CTNNA2: variants seen among roughly 807,000 people sequenced by gnomAD.
CTNNA2 encodes the protein catenin alpha-2.
CTNNA2 carries 42 observed loss-of-function variants against 101.0 expected under a neutral mutation model. The observed-to-expected ratio is 0.42, with a 90% confidence interval of 0.32 to 0.54. CTNNA2 has a LOEUF of 0.54. Among genes scored for constraint, CTNNA2 ranks in the 20% least tolerant of loss-of-function variants. The pLI is 0.14. For synonymous variants in CTNNA2, 450 were observed against 456.4 expected (o/e 0.99, Z 0.18); for missense variants, 871 against 1,223.1 (o/e 0.71, Z 4.29).
At chr2:80,440,195 C>G (rs1197521734) in intron 9 of CTNNA2, among the ~76,000 whole-genome samples, 1 of 152,158 alleles carries the variant, frequency 6.6e-6, no homozygotes, top group Non-Finnish European at 1.5e-5. Context: ...TGCTCACTGT[C>G]TCTCTGCCAC....
intron 3 of CTNNA2, among the ~76,000 whole-genome samples, chr2:79,320,515 G>A (rs1383306233): frequency 6.6e-6 from 1 of 152,050 alleles, no homozygotes; most frequent in African/African-American, 2.4e-5. Flanking sequence ...ATTCTAGTTT[G>A]CCATAACGTA....
chr2:79,196,635 T>C (rs1366810119), intron 1 of CTNNA2, among the ~76,000 whole-genome samples: 2 of 152,208 alleles, frequency 1.3e-5, no homozygotes, highest in Non-Finnish European at 2.9e-5. Flanking sequence ...TCTGGTTCCG[T>C]CCATGAATAA....
intron 7 of CTNNA2, among the ~76,000 whole-genome samples, chr2:79,986,318 A>G (rs1270739776): frequency 6.6e-6 from 1 of 152,112 alleles, no homozygotes; most frequent in Non-Finnish European, 1.5e-5. Context: ...CTTTGAGGAT[A>G]TTCCTCTTTA....
intron 2 of CTNNA2, among the ~76,000 whole-genome samples, chr2:79,244,088 C>T (rs1314278366): frequency 3.3e-5 from 5 of 152,140 alleles, no homozygotes; most frequent in Non-Finnish European, 5.9e-5. Context: ...CCCTGCCCTT[C>T]CTTATGTTGG....
chr2:80,215,004 A>C (rs1442210749), intron 7 of CTNNA2, among the ~76,000 whole-genome samples: 1 of 152,066 alleles, frequency 6.6e-6, no homozygotes, highest in African/African-American at 2.4e-5. Context: ...CATTTCATTC[A>C]TTTAACCTTC....
chr2:80,510,032 G>A (rs1408545581), intron 9 of CTNNA2, among the ~76,000 whole-genome samples: 1 of 152,120 alleles, frequency 6.6e-6, no homozygotes, highest in Non-Finnish European at 1.5e-5. Flanking sequence ...CCTCTATAGG[G>A]CAATGCCTAT....
chr2:79,374,832 T>C (rs1212895055), intron 4 of CTNNA2, among the ~76,000 whole-genome samples: 1 of 152,080 alleles, frequency 6.6e-6, no homozygotes, highest in Non-Finnish European at 1.5e-5. Flanking sequence ...TGCAAATGGG[T>C]GACTTGACTG....
intron 8 of CTNNA2, among the ~76,000 whole-genome samples, chr2:80,416,194 G>A (rs1680029366): frequency 6.6e-6 from 1 of 151,606 alleles, no homozygotes; most frequent in Non-Finnish European, 1.5e-5. Context: ...TAAGAGAGTA[G>A]ATCTTAAGTG....
intron 9 of CTNNA2, among the ~76,000 whole-genome samples, chr2:80,465,178 A>G (rs1684750608): frequency 6.6e-6 from 1 of 152,160 alleles, no homozygotes; most frequent in South Asian, 2.1e-4. Flanking sequence ...CTCTATAAGT[A>G]CTGGTGAATT....
chr2:79,469,173 G>A (rs1348451736), intron 4 of CTNNA2, among the ~76,000 whole-genome samples: 1 of 152,000 alleles, frequency 6.6e-6, no homozygotes, highest in Non-Finnish European at 1.5e-5. Context: ...TCAAATAGAT[G>A]CACTAAAAAA....
intron 3 of CTNNA2, among the ~76,000 whole-genome samples, chr2:79,819,164 A>G (rs1677811042): frequency 6.6e-6 from 1 of 151,598 alleles, no homozygotes; most frequent in South Asian, 2.1e-4. Flanking sequence ...TTTTTAGTAG[A>G]GATGGGGTTT....
intron 2 of CTNNA2, among the ~76,000 whole-genome samples, chr2:79,688,076 C>A (rs1277296889): frequency 6.6e-6 from 1 of 152,098 alleles, no homozygotes; most frequent in Non-Finnish European, 1.5e-5. Flanking sequence ...ATTCATGCTA[C>A]CTGTGTGAAC....
At chr2:80,425,911 C>T (rs756738221) in intron 9 of CTNNA2, among the ~76,000 whole-genome samples, 1 of 152,064 alleles carries the variant, frequency 6.6e-6, no homozygotes, top group Non-Finnish European at 1.5e-5. Context: ...ATTGCTTTAA[C>T]AAGTGAAATT....
At chr2:80,453,286 G>T (rs1269045764) in intron 9 of CTNNA2, among the ~76,000 whole-genome samples, 1 of 152,102 alleles carries the variant, frequency 6.6e-6, no homozygotes, top group South Asian at 2.1e-4. Flanking sequence ...CATGGCCAAG[G>T]TTGGTAGGGA....
chr2:79,345,305 G>T lies in CTNNA2; in HGVS notation c.-317-28526G>T, dbSNP rs572252976. ...GTAATAAATAGCATATGTTTATATA[G>T]CATTACACTATTTTTCAGTGTTTCA... is the stretch of plus-strand genomic sequence containing the variant. On this transcript the variant is annotated intron_variant, in intron 3 of 21. Transcript: ENST00000466387. 8.6e-5 allele frequency among the ~76,000 whole-genome samples: 13 copies of T among 152,032 alleles called. No individual in the cohort carries two copies. In the South Asian group the frequency reaches 2.7e-3, roughly 32 times the overall value.
chr2:79,218,846 C>CT (rs1420137717), intron 2 of CTNNA2, among the ~76,000 whole-genome samples: 1 of 152,124 alleles, frequency 6.6e-6, no homozygotes, highest in Non-Finnish European at 1.5e-5. Flanking sequence ...AGTTCAAAAA[C>CT]TTATACTGTT....
chr2:80,315,878 A>G (rs1678070378), intron 7 of CTNNA2, among the ~76,000 whole-genome samples: 1 of 152,196 alleles, frequency 6.6e-6, no homozygotes, highest in East Asian at 1.9e-4. Flanking sequence ...ATCCATAAAC[A>G]CTGAGGACCA....
chr2:79,942,146 C>T (rs1444598753), intron 7 of CTNNA2, among the ~76,000 whole-genome samples: 1 of 152,138 alleles, frequency 6.6e-6, no homozygotes, highest in Non-Finnish European at 1.5e-5. Flanking sequence ...TCAAATCTTA[C>T]AGGTGAGGGC....
chr2:80,492,461 C>T lies in CTNNA2; in HGVS notation c.1291-52521C>T, dbSNP rs1687140143. Among the ~76,000 whole-genome samples, 3 of 152,294 alleles carry T rather than the reference C, an allele frequency of 2.0e-5. No individual in the cohort carries two copies. The South Asian group carries it at 6.2e-4, about 32-fold the overall frequency. ...TAGTATTTTGAAATTTGTCACTATCCCTTATACACATTCATGCTACTTCAG... is the reference window on the plus strand; with the variant it reads ...TAGTATTTTGAAATTTGTCACTATCTCTTATACACATTCATGCTACTTCAG... On this transcript the variant is annotated intron_variant, in intron 9 of 18. Transcript: ENST00000402739.
Sources: allele counts gnomAD v4.1 joint callset (sites outside exome capture counted in the v4.1 genomes callset), GRCh38; gene constraint gnomAD v4.1.1; transcripts MANE v1.5; gene names NCBI Gene and HGNC (gene_info 2026-07-23, HGNC 2026-07-21).